ADGRG4: variants seen among roughly 807,000 people sequenced by gnomAD.
ADGRG4 encodes adhesion G protein-coupled receptor G4, also known as G protein-coupled receptor 112.
ADGRG4 carries 122 observed loss-of-function variants against 126.2 expected under a neutral mutation model. The observed-to-expected ratio is 0.97, with a 90% CI of 0.83 to 1.12. ADGRG4 has a LOEUF of 1.12. Ranked by LOEUF, ADGRG4 falls within the 50% of genes most tolerant of loss-of-function variation. The pLI is 0.00. For synonymous variants in ADGRG4, 943 were observed against 838.7 expected (o/e 1.12, Z -2.15); for missense variants, 2,481 against 2,251.8 (o/e 1.10, Z -2.06).
At chrX:136,364,942 C>A (rs1190811501) in intron 13 of ADGRG4, among the ~76,000 whole-genome samples, 2 of 111,836 alleles carry the variant, frequency 1.8e-5, no homozygotes. Context: ...GTCAATCATA[C>A]TTTTGATGGT....
intron 25 of ADGRG4, among the ~76,000 whole-genome samples, chrX:136,416,180 A>C (rs2075474422): frequency 8.9e-6 from 1 of 111,817 alleles, no homozygotes; most frequent in Non-Finnish European, 1.9e-5. Context: ...TTTGTACATA[A>C]ATATCCTCTC....
Position 136,395,402 on chromosome X carries a change from G to A in ADGRG4, c.8093G>A (p.Gly2698Glu). 1 of 1,193,415 alleles carries A rather than the reference G, an allele frequency of 8.4e-7. No individual in the cohort carries two copies. The highest frequency in any genetic ancestry group is 1.1e-6 in the Non-Finnish European group (1 of 880,244). ...WDFENNNGLG[G>E]WNSSGCKVKE... ...CTGTCTCCTACAGATGGGCTGGGTG[G>A]ATGGAATTCGTCAGGCTGTAAAGTA... The change falls in exon 19 of 26, where the codon GGA (glycine) becomes GAA (glutamate). Residue 2698 changes from glycine (G) to glutamate (E), a missense_variant. Physicochemically the swap from Gly to Glu is moderately conservative, Grantham distance 98. Transcript: ENST00000394143.
In ADGRG4 at chrX:136,347,854, C is replaced by T. The variant is rs59682087; in HGVS notation, c.4148C>T (p.Thr1383Met). The T allele has an allele frequency of 9.8e-4, 1,185 of 1,207,365 alleles. 8 individuals are homozygous for T. The African/African-American group carries it at 0.018, about 18-fold the overall frequency. ...TTFLCPEKES[T>M]SALPAYTPRT... ...TTTTTGTGTCCTGAAAAGGAAAGCA[C>T]GAGTGCCCTTCCAGCATATACTCCC... Residue 1383 changes from threonine to methionine, a missense_variant, in exon 6 of 26, where the codon ACG becomes ATG. Coordinates refer to ENST00000394143, the MANE Select transcript of ADGRG4 (RefSeq NM_153834.4).
At chrX:136,363,058 G>A (rs761656719) in intron 12 of ADGRG4, among the ~76,000 whole-genome samples, 2 of 111,298 alleles carry the variant, frequency 1.8e-5, no homozygotes, top group African/African-American at 3.3e-5. Context: ...ATGGGCCATC[G>A]AGGGTTCTAT....
Position 136,363,594 on chromosome X carries a change from T to C in ADGRG4, c.7395T>C (p.Asp2465=), listed in dbSNP as rs2075141073. 1.9e-6 allele frequency: 2 copies of C among 1,078,523 alleles called. No homozygotes were observed. The highest frequency in any genetic ancestry group is 1.3e-6 in the Non-Finnish European group (1 of 774,387). 88.9% of individuals were successfully genotyped at this position (1,078,523 alleles called of 1,213,427 possible). The stretch of plus-strand genomic sequence containing the variant: ...ATCTTGCTAATATTACCATAAGTGA[T>C]GGTAAGATTGTTTTGTACATATAAG... ...IVDLANITIS[D]ENAEDVAEHI... The change falls in exon 13 of 26, where the codon GAT becomes GAC. Residue 2465 remains aspartate, a splice_region_variant and synonymous_variant. Coordinates refer to ENST00000394143, the MANE Select transcript of ADGRG4 (RefSeq NM_153834.4).
Position 136,416,454 on chromosome X carries a change from A to G in ADGRG4, c.9206A>G (p.Asp3069Gly), listed in dbSNP as rs778004454. Reference sequence around the variant, plus strand: ...AATTTTCTTTTTTTCTTTACTGCAGATGACTTTGACAAAGATCCTTACTGT... The same window carrying G: ...AATTTTCTTTTTTTCTTTACTGCAGGTGACTTTGACAAAGATCCTTACTGT... ...GTPSEISFPN[D>G]DFDKDPYCSS... Residue 3069 changes from aspartate (D) to glycine (G), a missense_variant and splice_region_variant, in exon 26 of 26, where the codon GAT (aspartate) becomes GGT (glycine). Coordinates refer to ENST00000394143, the MANE Select transcript of ADGRG4 (RefSeq NM_153834.4). The G allele has an allele frequency of 3.3e-6, 4 of 1,201,310 alleles. No individual in the cohort carries two copies. The highest frequency in any genetic ancestry group is 6.0e-5 in the East Asian group (2 of 33,516).
At position 136,414,206 on chromosome X, in the gene ADGRG4, A is replaced by G; in HGVS notation, c.9084A>G (p.Gly3028=). The G allele has an allele frequency of 8.3e-7, 1 of 1,206,164 alleles. No homozygotes were observed. Among genetic ancestry groups the G allele is most frequent in the Non-Finnish European group, 1.1e-6 (1 of 890,954 alleles). ...TAAAGGTTGGATATAAACAGGAGGG[A>G]CTAAAGAAAATCTTTGAGCACAAAC... ...CQIKVGYKQE[G]LKKIFEHKLL... The change falls in exon 25 of 26, where the codon GGA becomes GGG. Residue 3028 remains glycine, a synonymous_variant. Transcript: ENST00000394143.
In ADGRG4 at chrX:136,350,785, G is replaced by A. The variant is rs191945077; in HGVS notation, c.6727+352G>A. 5.4e-5 allele frequency among the ~76,000 whole-genome samples: 6 copies of A among 110,885 alleles called. No individual in the cohort carries two copies. The East Asian group carries it at 1.7e-3, about 32-fold the overall frequency. On this transcript the variant is annotated intron_variant, in intron 6 of 25. Coordinates refer to ENST00000394143, the MANE Select transcript of ADGRG4 (RefSeq NM_153834.4). ...TCCCTTCCCAGTAAGAGAATCATAC[G>A]GCCTTAGGTCTGAGCATGCTGACCA...
At position 136,345,305 on chromosome X, in the gene ADGRG4, G is replaced by A. The variant is rs1366752458; in HGVS notation, c.1599G>A (p.Gln533=). 8.3e-7 allele frequency: 1 copy of A among 1,210,112 alleles called. No homozygotes were observed. ...CAGAATTGACATCTACAAATTTTCA[G>A]GATGTCTCTTTACCCAGAGTGGAAG... The part of the protein sequence containing the change: ...AETELTSTNF[Q]DVSLPRVEDA... The change falls in exon 6 of 26, where the codon CAG becomes CAA. Residue 533 remains glutamine (Q), a synonymous_variant. Transcript: ENST00000394143.
In ADGRG4 at chrX:136,345,213, A is replaced by T; in HGVS notation, c.1507A>T (p.Thr503Ser). ...LATTDMKIAFTVHSLTLPTRL... is the reference protein window; with the variant it reads ...LATTDMKIAFSVHSLTLPTRL... Reference sequence around the variant, plus strand: ...AACAACTGATATGAAAATAGCATTTACAGTCCATTCATTGACTCTCCCAAC... The same window carrying T: ...AACAACTGATATGAAAATAGCATTTTCAGTCCATTCATTGACTCTCCCAAC... The change falls in exon 6 of 26, where the codon ACA becomes TCA. Residue 503 changes from threonine (T) to serine (S), a missense_variant. Thr to Ser is a moderately conservative substitution (Grantham distance 58, BLOSUM62 1). Coordinates refer to ENST00000394143, the MANE Select transcript of ADGRG4 (RefSeq NM_153834.4). The T allele has an allele frequency of 1.7e-6, 2 of 1,210,316 alleles. No homozygotes were observed.
intron 21 of ADGRG4, among the ~76,000 whole-genome samples, chrX:136,401,220 C>T (rs960359828): frequency 2.7e-5 from 3 of 111,617 alleles, no homozygotes; most frequent in South Asian, 7.6e-4. Flanking sequence ...CAAAAGCAGT[C>T]GATACACTCC....
At chrX:136,329,767 G>A (rs2074897168) in intron 5 of ADGRG4, among the ~76,000 whole-genome samples, 1 of 109,257 alleles carries the variant, frequency 9.2e-6, no homozygotes, top group South Asian at 4.0e-4. Flanking sequence ...TGACCTCCTG[G>A]GCTCAAACCA....
At chrX:136,369,500 A>G (rs2075179755) in intron 13 of ADGRG4, among the ~76,000 whole-genome samples, 1 of 112,063 alleles carries the variant, frequency 8.9e-6, no homozygotes, top group Non-Finnish European at 1.9e-5. Context: ...ATTACTTTCC[A>G]CAATATAGTC....
intron 15 of ADGRG4, 96 bp downstream of exon 15, chrX:136,373,160 G>A: frequency 1.4e-6 from 1 of 733,769 alleles, no homozygotes; most frequent in Non-Finnish European, 1.9e-6. Flanking sequence ...ACTCCGTTAT[G>A]GTTTTAAGGG....
chrX:136,395,361 G>A, intron 18 of ADGRG4, 29 bp from the exon 19 acceptor site: 1 of 986,175 alleles, frequency 1.0e-6, no homozygotes, highest in Non-Finnish European at 1.4e-6. Flanking sequence ...AAACAAAATT[G>A]CTTTGAAATT....
At position 136,365,037 on chromosome X, in the gene ADGRG4, C is replaced by T. The variant is rs1051211302; in HGVS notation, c.7396+1442C>T. On this transcript the variant is annotated intron_variant, in intron 13 of 25. Coordinates refer to ENST00000394143, the MANE Select transcript of ADGRG4 (RefSeq NM_153834.4). The stretch of plus-strand genomic sequence containing the variant: ...AGCACCTTTTTCGCAACTCCTTCAT[C>T]AACACAGCATGTTTGTTATCAGACT... Among the ~76,000 whole-genome samples, 6 of 112,050 alleles carry T rather than the reference C, an allele frequency of 5.4e-5. No individual in the cohort carries two copies. The South Asian group carries it at 1.5e-3, about 28-fold the overall frequency.
At chrX:136,308,464 C>G (rs1273993223) in intron 3 of ADGRG4, among the ~76,000 whole-genome samples, 1 of 112,055 alleles carries the variant, frequency 8.9e-6, no homozygotes, top group Non-Finnish European at 1.9e-5. Context: ...GCTAACTGTC[C>G]TATGATGGCA....
chrX:136,409,138 C>T (rs1261239284), intron 23 of ADGRG4, among the ~76,000 whole-genome samples: 1 of 110,551 alleles, frequency 9.0e-6, no homozygotes, highest in African/African-American at 3.3e-5. Context: ...ACAAAGTAGT[C>T]GTTTAAAAGA....
At chrX:136,361,840 C>T (rs2075130972) in intron 12 of ADGRG4, among the ~76,000 whole-genome samples, 1 of 111,834 alleles carries the variant, frequency 8.9e-6, no homozygotes, top group Admixed American at 9.4e-5. Flanking sequence ...AAAAAGTCAC[C>T]CATAACCCCA....
Sources: allele counts gnomAD v4.1 joint callset (sites outside exome capture counted in the v4.1 genomes callset), GRCh38; gene constraint gnomAD v4.1.1; transcripts MANE v1.5; gene names NCBI Gene and HGNC (gene_info 2026-07-23, HGNC 2026-07-21).